GRIN2A: variants seen among roughly 807,000 people sequenced by gnomAD.
The protein encoded by GRIN2A is glutamate receptor ionotropic, NMDA 2A.
GRIN2A carries 22 observed loss-of-function variants against 113.4 expected under a neutral mutation model. That is an observed-to-expected ratio of 0.19 (90% CI 0.14 to 0.28). The LOEUF (loss-of-function observed/expected upper bound fraction) is 0.28, where lower values mean the gene tolerates loss of function less well. Among genes scored for constraint, GRIN2A ranks in the 10% least tolerant of loss-of-function variants. The probability of loss-of-function intolerance (pLI) is 1.00; values close to 1 mark genes in which losing one functional copy is unlikely to be tolerated. For missense variants in GRIN2A, 1,502 were observed against 1,887.0 expected (o/e 0.80, Z 3.78); for synonymous variants, 827 against 738.4 (o/e 1.12, Z -1.94).
intron 10 of GRIN2A, among the ~76,000 whole-genome samples, chr16:9,801,359 T>TAC (rs1258351476): frequency 1.3e-5 from 2 of 152,032 alleles, no homozygotes; most frequent in African/African-American, 2.4e-5. Flanking sequence ...AATAAACATA[T>TAC]ACACACACAC....
chr16:10,065,886 G>A (rs933915031), intron 2 of GRIN2A, among the ~76,000 whole-genome samples: 1 of 152,152 alleles, frequency 6.6e-6, no homozygotes, highest in South Asian at 2.1e-4. Context: ...TTCCTCCCAC[G>A]GTCTCAGGGT....
At chr16:9,791,833 C>A (rs1596411504) in intron 11 of GRIN2A, among the ~76,000 whole-genome samples, 1 of 151,916 alleles carries the variant, frequency 6.6e-6, no homozygotes, top group Non-Finnish European at 1.5e-5. Context: ...CAACACTGAC[C>A]CACTCAGAGG....
intron 4 of GRIN2A, among the ~76,000 whole-genome samples, chr16:9,860,506 G>C (rs1025739297): frequency 6.6e-6 from 1 of 151,434 alleles, no homozygotes; most frequent in Non-Finnish European, 1.5e-5. Context: ...GCCTGTTATG[G>C]GGTTTTATCT....
At chr16:10,009,752 A>G (rs1344006493) in intron 2 of GRIN2A, among the ~76,000 whole-genome samples, 1 of 152,154 alleles carries the variant, frequency 6.6e-6, no homozygotes. Context: ...GAGAAAGAAA[A>G]AAAAAAAATC....
intron 2 of GRIN2A, among the ~76,000 whole-genome samples, chr16:10,018,718 C>T (rs2046656192): frequency 6.6e-6 from 1 of 152,182 alleles, no homozygotes; most frequent in East Asian, 1.9e-4. Flanking sequence ...CCCCACACAC[C>T]GTGCACCCCA....
chr16:9,975,298 G>A (rs2045753623), intron 2 of GRIN2A, among the ~76,000 whole-genome samples: 1 of 152,124 alleles, frequency 6.6e-6, no homozygotes, highest in South Asian at 2.1e-4. Context: ...AAGTGATTAT[G>A]GACCTAAAAA....
intron 2 of GRIN2A, among the ~76,000 whole-genome samples, chr16:10,136,624 C>G (rs1401262453): frequency 3.3e-5 from 5 of 152,050 alleles, no homozygotes; most frequent in Non-Finnish European, 5.9e-5. Context: ...TGACCTTTTC[C>G]TCCCCCATTT....
intron 2 of GRIN2A, among the ~76,000 whole-genome samples, chr16:10,100,417 G>A (rs1021355483): frequency 6.6e-6 from 1 of 152,164 alleles, no homozygotes; most frequent in African/African-American, 2.4e-5. Context: ...TCACAGAGCT[G>A]CTGATGGAAA....
chr16:10,160,205 A>G (rs2049782960), intron 2 of GRIN2A, among the ~76,000 whole-genome samples: 1 of 152,202 alleles, frequency 6.6e-6, no homozygotes, highest in Admixed American at 6.5e-5. Flanking sequence ...CTAACTCACT[A>G]TTTTGTTTGA....
chr16:10,009,328 A>G (rs2046460391), intron 2 of GRIN2A, among the ~76,000 whole-genome samples: 1 of 152,240 alleles, frequency 6.6e-6, no homozygotes, highest in Non-Finnish European at 1.5e-5. Flanking sequence ...AAATGTAATC[A>G]TAGAAACACA....
chr16:10,026,222 A>C (rs1407325434), intron 2 of GRIN2A, among the ~76,000 whole-genome samples: 5 of 152,194 alleles, frequency 3.3e-5, no homozygotes, highest in African/African-American at 1.2e-4. Flanking sequence ...TTAGGTTCTC[A>C]CTAATTGGAT....
intron 2 of GRIN2A, among the ~76,000 whole-genome samples, chr16:10,110,647 G>C (rs1342696163): frequency 6.6e-6 from 1 of 152,226 alleles, no homozygotes; most frequent in African/African-American, 2.4e-5. Context: ...CTGCAAGTAT[G>C]AGATAAGGAG....
At chr16:10,146,208 C>T (rs1172516539) in intron 2 of GRIN2A, among the ~76,000 whole-genome samples, 1 of 152,088 alleles carries the variant, frequency 6.6e-6, no homozygotes, top group African/African-American at 2.4e-5. Context: ...ACCTCCACCT[C>T]CCGGGTTCAA....
chr16:9,790,934 CA>C (rs2141208308), intron 11 of GRIN2A, among the ~76,000 whole-genome samples: 1 of 152,312 alleles, frequency 6.6e-6, no homozygotes, highest in South Asian at 2.1e-4. Flanking sequence ...ATCTATAATG[CA>C]GTGCACTCAA....
intron 2 of GRIN2A, among the ~76,000 whole-genome samples, chr16:10,128,282 G>C (rs954285780): frequency 6.6e-6 from 1 of 152,198 alleles, no homozygotes; most frequent in Admixed American, 6.5e-5. Context: ...CTTGCAGCGA[G>C]TTTTGTGAGT....
At chr16:9,895,858 T>C (rs979194290) in intron 3 of GRIN2A, among the ~76,000 whole-genome samples, 6 of 152,228 alleles carry the variant, frequency 3.9e-5, no homozygotes, top group African/African-American at 9.6e-5. Flanking sequence ...GTAGTTCAGG[T>C]TGAGTCTACC....
At chr16:10,085,156 G>A (rs774197670) in intron 2 of GRIN2A, among the ~76,000 whole-genome samples, 27 of 152,162 alleles carry the variant, frequency 1.8e-4, no homozygotes, top group Non-Finnish European at 3.1e-4. Context: ...GAAGAAACAC[G>A]AGGTTCATGC....
At chr16:9,989,888 T>C (rs2046067224) in intron 2 of GRIN2A, among the ~76,000 whole-genome samples, 1 of 152,050 alleles carries the variant, frequency 6.6e-6, no homozygotes, top group Non-Finnish European at 1.5e-5. Flanking sequence ...AAATAACAAA[T>C]GTTGGCAAGG....
intron 2 of GRIN2A, among the ~76,000 whole-genome samples, chr16:10,133,491 C>G (rs1337871856): frequency 6.6e-6 from 1 of 152,182 alleles, no homozygotes; most frequent in Non-Finnish European, 1.5e-5. Context: ...CCCATAATCC[C>G]AGCTACTCTG....
Sources: allele counts gnomAD v4.1 joint callset (sites outside exome capture counted in the v4.1 genomes callset), GRCh38; gene constraint gnomAD v4.1.1; transcripts MANE v1.5; gene names NCBI Gene and HGNC (gene_info 2026-07-23, HGNC 2026-07-21).